SORBS2: variants seen among roughly 807,000 people sequenced by gnomAD.
The protein encoded by SORBS2 is sorbin and SH3 domain-containing protein 2.
A neutral mutation model predicts 97.7 loss-of-function variants in SORBS2; 46 were observed. The ratio of observed to expected loss-of-function variants is 0.47; its 90% CI spans 0.37 to 0.60. The LOEUF (loss-of-function observed/expected upper bound fraction) is 0.60. Ranked by LOEUF, SORBS2 falls within the 20% of genes least tolerant of loss-of-function variation. The pLI is 0.00. For missense variants in SORBS2, 1,316 were observed against 1,282.3 expected (o/e 1.03, Z -0.40); for synonymous variants, 476 against 473.4 (o/e 1.01, Z -0.07).
intron 2 of SORBS2, among the ~76,000 whole-genome samples, chr4:185,746,374 T>C (rs2098760624): frequency 2.0e-5 from 3 of 152,182 alleles, no homozygotes; most frequent in Admixed American, 2.0e-4. Flanking sequence ...TGCAGGGCAG[T>C]GGCACCATCT....
chr4:185,630,412 A>T, intron 5 of SORBS2, 137 bp downstream of exon 17: 1 of 453,678 alleles, frequency 2.2e-6, no homozygotes, highest in Non-Finnish European at 3.9e-6. Context: ...ACAAAATAAA[A>T]CAACTTCATG....
intron 12 of SORBS2, among the ~76,000 whole-genome samples, chr4:185,596,530 CTTTTTTTTTTTTT>C (rs58831094): frequency 1.3e-5 from 1 of 77,432 alleles, no homozygotes; most frequent in Non-Finnish European, 2.3e-5. Context: ...ACCGTCCTTG[CTTTTTTTTTTTTT>C]TTTTTTTTTT....
chr4:185,794,320 A>G (rs1049968417), intron 1 of SORBS2, among the ~76,000 whole-genome samples: 2 of 152,158 alleles, frequency 1.3e-5, no homozygotes, highest in African/African-American at 4.8e-5. Context: ...CCCACTGATG[A>G]GTGTCTGAGC....
chr4:185,764,821 T>C (rs866344944), intron 2 of SORBS2, among the ~76,000 whole-genome samples: 24 of 152,166 alleles, frequency 1.6e-4, no homozygotes, highest in African/African-American at 5.5e-4. Context: ...AAATAGAAGA[T>C]ACTAATTCAA....
chr4:185,605,342 G>A (rs1322216221), intron 12 of SORBS2, among the ~76,000 whole-genome samples: 2 of 152,236 alleles, frequency 1.3e-5, no homozygotes, highest in Non-Finnish European at 2.9e-5. Context: ...GAGTGCAGTG[G>A]CACAACTTCA....
intron 6 of SORBS2, among the ~76,000 whole-genome samples, chr4:185,626,362 G>T (rs745465518): frequency 1.1e-4 from 17 of 152,276 alleles, no homozygotes; most frequent in Non-Finnish European, 2.4e-4. Flanking sequence ...TAATAGGTCG[G>T]ATTTTTTTAA....
Position 185,684,927 on chromosome 4 carries a change from G to T in SORBS2, c.-197-6105C>A. 1 of 1,035,684 alleles carries T rather than the reference G, an allele frequency of 9.7e-7. No homozygotes were observed. Among genetic ancestry groups the T allele is most frequent in the Non-Finnish European group, 1.5e-6 (1 of 686,708 alleles). The allele number at this position is 1,035,684 out of a possible 1,614,324, so 64.2% of individuals were successfully genotyped here. A position where few individuals can be genotyped will look rare whatever the true frequency, so the allele number is the denominator to read the frequency against. On this transcript the variant is annotated intron_variant, in intron 2 of 20. Coordinates refer to the SORBS2 transcript ENST00000284776. The surrounding 1 kb of genome is among the most constrained non-coding windows in gnomAD (Gnocchi z 4.2). ...ATATCATGCGTTTTAAGAGAAATGT[G>T]CCAGACATCCATGAGAAAGATGAAC...
chr4:185,599,963 G>A (rs1014192238), intron 12 of SORBS2, among the ~76,000 whole-genome samples: 19 of 152,224 alleles, frequency 1.2e-4, no homozygotes, highest in Non-Finnish European at 2.4e-4. Flanking sequence ...GGGAACCGCT[G>A]AGCCCTCTGA....
chr4:185,742,344 C>A (rs1266632588), intron 2 of SORBS2, among the ~76,000 whole-genome samples: 2 of 152,242 alleles, frequency 1.3e-5, no homozygotes, highest in Non-Finnish European at 2.9e-5. Flanking sequence ...AATCTCATTG[C>A]CACCATTGAT....
intron 4 of SORBS2, among the ~76,000 whole-genome samples, chr4:185,672,337 AT>A (rs762277515): frequency 6.6e-6 from 1 of 152,210 alleles, no homozygotes; most frequent in African/African-American, 2.4e-5. Context: ...TGATTATGTT[AT>A]TTCATAACGG....
exon 15 of SORBS2, chr4:185,585,548 A>G (rs191936356): frequency 6.6e-6 from 1 of 152,376 alleles, no homozygotes; most frequent in East Asian, 1.9e-4. Flanking sequence ...AATTTATTAG[A>G]TGTCTATTCA....
chr4:185,918,864 C>T (rs1280109876), intron 1 of SORBS2, among the ~76,000 whole-genome samples: 1 of 152,106 alleles, frequency 6.6e-6, no homozygotes, highest in Non-Finnish European at 1.5e-5. Context: ...TTACAGTTTC[C>T]ACGTATGTTC....
At chr4:185,833,523 C>T (rs1250322097) in intron 1 of SORBS2, among the ~76,000 whole-genome samples, 2 of 152,124 alleles carry the variant, frequency 1.3e-5, no homozygotes, top group African/African-American at 4.8e-5. Flanking sequence ...GCCTTAAACA[C>T]ACTTTTTAAA....
intron 4 of SORBS2, chr4:185,677,010 G>C: frequency 1.3e-6 from 2 of 1,550,412 alleles, no homozygotes; most frequent in Non-Finnish European, 1.7e-6. Flanking sequence ...TCTGCAGTCT[G>C]AGGACTGAGA....
intron 1 of SORBS2, among the ~76,000 whole-genome samples, chr4:185,854,391 A>C (rs1233388005): frequency 2.0e-5 from 3 of 152,172 alleles, no homozygotes; most frequent in Non-Finnish European, 4.4e-5. Context: ...CTGTCCTCGT[A>C]TCATTAGACT....
At chr4:185,723,749 G>A (rs975803151) in intron 2 of SORBS2, among the ~76,000 whole-genome samples, 1 of 152,166 alleles carries the variant, frequency 6.6e-6, no homozygotes, top group South Asian at 2.1e-4. Context: ...TCTCTGTGGA[G>A]TTGAGGAAAG....
chr4:185,786,818 C>T (rs563035128), intron 1 of SORBS2, among the ~76,000 whole-genome samples: 4 of 152,136 alleles, frequency 2.6e-5, no homozygotes, highest in Non-Finnish European at 4.4e-5. Context: ...AAAAACTAGC[C>T]GTGTGTGGTG....
intron 1 of SORBS2, among the ~76,000 whole-genome samples, chr4:185,807,691 G>A (rs562244305): frequency 1.3e-5 from 2 of 152,278 alleles, no homozygotes; most frequent in South Asian, 4.1e-4. Context: ...CCTTTTAACT[G>A]CATGTCCATG....
intron 1 of SORBS2, among the ~76,000 whole-genome samples, chr4:185,843,791 G>C (rs2099212978): frequency 6.6e-6 from 1 of 152,204 alleles, no homozygotes; most frequent in Admixed American, 6.6e-5. Context: ...ATAGATCTTA[G>C]ATTCAGTGCA....
Sources: gnomAD v4.1 joint callset for allele counts (sites outside exome capture counted in the v4.1 genomes callset) on GRCh38, gnomAD v4.1.1 for gene constraint, Gnocchi (gnomAD v3.1) non-coding constraint, MANE v1.5 for transcripts, NCBI Gene and HGNC (gene_info 2026-07-23, HGNC 2026-07-21) for gene names.